The following ULK4 variants were observed in gnomAD, a reference collection of about 807,000 sequenced individuals.
ULK4 encodes the protein unc-51 like kinase 4.
ULK4 carries 133 observed loss-of-function variants against 160.6 expected under a neutral mutation model. That is an observed-to-expected ratio of 0.83 (90% confidence interval 0.72 to 0.96). The LOEUF is 0.96. ULK4 is among the 40% of genes least tolerant of loss of function. The pLI is 0.00. For synonymous variants in ULK4, 534 were observed against 539.8 expected, an observed-to-expected ratio of 0.99 and a Z score of 0.15; for missense variants, 1,580 against 1,499.5, an observed-to-expected ratio of 1.05 and a Z score of -0.89.
Position 41,426,265 on chromosome 3 carries a change from C to A in ULK4, c.3493-28001G>T, listed in dbSNP as rs879695135. 3.9e-5 allele frequency among the ~76,000 whole-genome samples: 6 copies of A among 152,256 alleles called. 1 individual carries two copies. The South Asian group carries it at 8.3e-4, about 21-fold the overall frequency. ...TATATGCACCCGATACAGGAGAACC[C>A]AGATTCATAAAACAAGTTCTTAGAG... On this transcript the variant is annotated intron_variant, in intron 34 of 36. Transcript: ENST00000301831.
intron 35 of ULK4, among the ~76,000 whole-genome samples, chr3:41,310,110 T>C (rs1016479952): frequency 1.3e-5 from 2 of 149,904 alleles, no homozygotes; most frequent in African/African-American, 5.0e-5. Context: ...CAGTCCATCA[T>C]GAACTGATCT....
intron 32 of ULK4, among the ~76,000 whole-genome samples, chr3:41,538,314 C>G (rs1427309745): frequency 6.6e-6 from 1 of 151,982 alleles, no homozygotes; most frequent in Non-Finnish European, 1.5e-5. Flanking sequence ...TTTATGCCTA[C>G]TGGTGTAGCC....
intron 35 of ULK4, among the ~76,000 whole-genome samples, chr3:41,337,085 G>A (rs2080575150): frequency 6.6e-6 from 1 of 152,170 alleles, no homozygotes; most frequent in Non-Finnish European, 1.5e-5. Context: ...CTGAGGCTCA[G>A]AGAGACTACA....
rs1475628158 is a variant in ULK4 at position 41,737,043 on chromosome 3, T to C, written c.2321+17318A>G. Among the ~76,000 whole-genome samples, 4 of 152,040 alleles carry C rather than the reference T, an allele frequency of 2.6e-5. 1 individual carries two copies. The highest frequency in any genetic ancestry group is 9.7e-5 in the African/African-American group (4 of 41,316). The stretch of plus-strand genomic sequence containing the variant: ...TTTCTGAGGGCTCTGTTCTGTTCCA[T>C]TGGTCTACATCTCTGTTTTGGTACC... On this transcript the variant is annotated intron_variant, in intron 22 of 36. Transcript: ENST00000301831.
At chr3:41,409,906 G>A (rs968373780) in intron 34 of ULK4, among the ~76,000 whole-genome samples, 2 of 151,542 alleles carry the variant, frequency 1.3e-5, no homozygotes, top group East Asian at 1.9e-4. Flanking sequence ...CAGAGATCAC[G>A]CCACTGTACT....
chr3:41,289,686 T>G (rs966281259), intron 35 of ULK4, among the ~76,000 whole-genome samples: 1 of 152,122 alleles, frequency 6.6e-6, no homozygotes. Flanking sequence ...TCATCCAACA[T>G]GTCCTCAATG....
At position 41,912,884 on chromosome 3, in the gene ULK4, C is replaced by T. The variant is rs1698837730; in HGVS notation, c.819G>A (p.Arg273=). 1 of 1,613,962 alleles carries T rather than the reference C, an allele frequency of 6.2e-7. No individual in the cohort carries two copies. Among genetic ancestry groups the T allele is most frequent in the African/African-American group, 1.3e-5 (1 of 74,946 alleles). The change falls in exon 9 of 37, where the codon AGG becomes AGA. Residue 273 remains arginine (R), a synonymous_variant. Transcript: ENST00000301831. ...RDPQKRLTWT[R]LLQHSFWKKA... is the part of the protein sequence containing the mutation. ...TCTTCCAAAATGAATGCTGCAGTAG[C>T]CTTGTCCAAGTCAATCTTTAAAAAA...
intron 30 of ULK4, among the ~76,000 whole-genome samples, chr3:41,654,666 T>A (rs1047910141): frequency 3.3e-5 from 5 of 152,200 alleles, no homozygotes; most frequent in African/African-American, 1.2e-4. Flanking sequence ...GCTCACTGTT[T>A]TAAATATTTT....
At chr3:41,486,538 C>A (rs1020277522) in intron 32 of ULK4, among the ~76,000 whole-genome samples, 3 of 152,214 alleles carry the variant, frequency 2.0e-5, no homozygotes, top group Non-Finnish European at 4.4e-5. Flanking sequence ...GTCAGGTATG[C>A]ACTGACTGGA....
chr3:41,353,501 C>CA (rs149442869), intron 35 of ULK4, among the ~76,000 whole-genome samples: 7,010 of 151,804 alleles, frequency 0.046, 411 homozygotes, highest in East Asian at 0.19. Flanking sequence ...CCCATTTCTA[C>CA]AAAAATTTTT....
chr3:41,467,830 G>A (rs2083874014), intron 32 of ULK4, among the ~76,000 whole-genome samples: 1 of 152,174 alleles, frequency 6.6e-6, no homozygotes, highest in African/African-American at 2.4e-5. Flanking sequence ...GAACTTTCTA[G>A]GGTGACAGAA....
chr3:41,890,252 G>T (rs1180515395), intron 16 of ULK4, among the ~76,000 whole-genome samples: 3 of 152,136 alleles, frequency 2.0e-5, no homozygotes, highest in Non-Finnish European at 4.4e-5. Context: ...ATAAACAAGA[G>T]AAAGTGAGAA....
In ULK4 at chr3:41,282,409, G is replaced by C. The variant is rs553226503; in HGVS notation, c.3679-32835C>G. 2.0e-5 allele frequency among the ~76,000 whole-genome samples: 3 copies of C among 152,216 alleles called. No homozygotes were observed. The South Asian group carries it at 6.2e-4, about 32-fold the overall frequency. On this transcript the variant is annotated intron_variant, in intron 35 of 36. Transcript: ENST00000301831. ...ACCTGACTTCAAACTATACTACAAG[G>C]CTACAGTAACCAAAACAGCATGGTA...
chr3:41,935,206 T>TTTATTTA, intron 4 of ULK4, among the ~76,000 whole-genome samples: 1 of 7,650 alleles, frequency 1.3e-4, no homozygotes, highest in Non-Finnish European at 2.6e-3. Flanking sequence ...TATTTATTTA[T>TTTATTTA]TTATTTTTTT....
intron 22 of ULK4, among the ~76,000 whole-genome samples, chr3:41,751,002 AAGGGAGGGAAGG>A: frequency 2.3e-5 from 2 of 85,670 alleles, no homozygotes; most frequent in African/African-American, 4.9e-5. Context: ...GAGAGAGAGG[AAGGGAGGGAAGG>A]AGGGTGGGAA....
intron 1 of ULK4, among the ~76,000 whole-genome samples, chr3:41,961,191 T>C (rs564574901): frequency 7.3e-4 from 111 of 152,312 alleles, no homozygotes; most frequent in Middle Eastern, 3.4e-3. Context: ...GGGCAGGTCC[T>C]ACATTCAAGG....
At chr3:41,433,210 A>G (rs1288267132) in intron 34 of ULK4, among the ~76,000 whole-genome samples, 1 of 152,228 alleles carries the variant, frequency 6.6e-6, no homozygotes, top group Non-Finnish European at 1.5e-5. Context: ...TTGTGTAAAA[A>G]GACACACAAA....
At chr3:41,785,792 A>AG (rs1164065880) in intron 21 of ULK4, among the ~76,000 whole-genome samples, 1 of 152,142 alleles carries the variant, frequency 6.6e-6, no homozygotes, top group Non-Finnish European at 1.5e-5. Flanking sequence ...AAAACCCCTT[A>AG]GGAAGGCCAA....
At chr3:41,714,145 T>C (rs1385912499) in intron 25 of ULK4, among the ~76,000 whole-genome samples, 2 of 152,234 alleles carry the variant, frequency 1.3e-5, no homozygotes, top group African/African-American at 4.8e-5. Flanking sequence ...AAAATTCTCA[T>C]AATTTGCAAA....
Sources: allele counts gnomAD v4.1 joint callset (sites outside exome capture counted in the v4.1 genomes callset), GRCh38; gene constraint gnomAD v4.1.1; transcripts MANE v1.5; gene names NCBI Gene and HGNC (gene_info 2026-07-23, HGNC 2026-07-21).